DCC: variants seen among roughly 807,000 people sequenced by gnomAD.
The protein encoded by DCC is netrin receptor DCC.
Under a neutral mutation model 172.5 loss-of-function variants are expected in DCC, and 58 were observed. The ratio of observed to expected loss-of-function variants is 0.34; its 90% confidence interval spans 0.27 to 0.42. DCC has a LOEUF of 0.42. Among genes scored for constraint, DCC ranks in the 10% least tolerant of loss-of-function variants. DCC has a pLI of 1.00. For missense variants in DCC, 1,740 were observed against 1,791.0 expected (o/e 0.97, Z 0.51); for synonymous variants, 709 against 644.5 (o/e 1.10, Z -1.52).
chr18:52,602,399 A>ATGTGTG (rs1316880662), intron 1 of DCC, among the ~76,000 whole-genome samples: 5 of 19,274 alleles, frequency 2.6e-4, no homozygotes, highest in Admixed American at 7.5e-4. Flanking sequence ...CTTAGTATCA[A>ATGTGTG]AGTGTGTGTG....
intron 1 of DCC, among the ~76,000 whole-genome samples, chr18:52,567,061 A>G (rs1482163424): frequency 6.6e-6 from 1 of 152,162 alleles, no homozygotes; most frequent in Non-Finnish European, 1.5e-5. Flanking sequence ...ATACTTAAGT[A>G]CCGATTGTTA....
At chr18:53,496,993 T>C (rs1210591505) in intron 26 of DCC, among the ~76,000 whole-genome samples, 1 of 152,222 alleles carries the variant, frequency 6.6e-6, no homozygotes. Flanking sequence ...GCTAAACCAG[T>C]GTTTAAAATG....
At chr18:53,289,207 G>A (rs1386647960) in intron 12 of DCC, among the ~76,000 whole-genome samples, 4 of 151,984 alleles carry the variant, frequency 2.6e-5, no homozygotes, top group Non-Finnish European at 5.9e-5. Context: ...GTTGAAATTC[G>A]CAATATAGGC....
At chr18:52,796,119 C>T (rs1478221225) in intron 2 of DCC, among the ~76,000 whole-genome samples, 2 of 143,812 alleles carry the variant, frequency 1.4e-5, no homozygotes, top group Non-Finnish European at 3.0e-5. Flanking sequence ...TATCCCTTCA[C>T]TTTAAATCTA....
At chr18:53,511,732 C>T (rs1323483950) in intron 27 of DCC, among the ~76,000 whole-genome samples, 25 of 152,186 alleles carry the variant, frequency 1.6e-4, no homozygotes, top group Non-Finnish European at 4.4e-5. Flanking sequence ...CACTCCCACC[C>T]GAATACTGGG....
At chr18:52,586,082 C>CAAAAAAAAAAAAAAAAAA (rs5824949) in intron 1 of DCC, among the ~76,000 whole-genome samples, 1 of 73,226 alleles carries the variant, frequency 1.4e-5, no homozygotes, top group African/African-American at 5.6e-5. Flanking sequence ...GACTCCGTCT[C>CAAAAAAAAAAAAAAAAAA]AAAAAAAAAA....
At chr18:53,094,099 T>G (rs1354076078) in intron 7 of DCC, among the ~76,000 whole-genome samples, 1 of 152,216 alleles carries the variant, frequency 6.6e-6, no homozygotes, top group Non-Finnish European at 1.5e-5. Context: ...ATTTCCTTAT[T>G]AACCCATTTC....
Position 52,723,107 on chromosome 18 carries a change from C to T in DCC, c.92-28947C>T, listed in dbSNP as rs191977905. Among the ~76,000 whole-genome samples, 14 of 152,222 alleles carry T rather than the reference C, an allele frequency of 9.2e-5. No individual in the cohort carries two copies. The East Asian group carries it at 1.5e-3, about 17-fold the overall frequency. ...TAGCTAATCCTATTAGATTAGCTAT[C>T]GCTACCCCTCCCTCCCTTTCTCTCA... On this transcript the variant is annotated intron_variant, in intron 1 of 28. Transcript: ENST00000442544.
intron 17 of DCC, 92 bp from the exon 18 acceptor site, chr18:53,397,216 T>G: frequency 8.2e-7 from 1 of 1,220,426 alleles, no homozygotes; most frequent in Non-Finnish European, 1.2e-6. Context: ...ATTACTTTTG[T>G]GTTAGCTTAT....
chr18:52,929,507 A>G (rs1051788517), intron 5 of DCC, among the ~76,000 whole-genome samples: 11 of 152,152 alleles, frequency 7.2e-5, no homozygotes, highest in Non-Finnish European at 1.5e-4. Context: ...AGAAAGGCTG[A>G]CAGGGGAGCA....
chr18:53,329,135 T>C (rs756510115), intron 14 of DCC, among the ~76,000 whole-genome samples: 3 of 152,156 alleles, frequency 2.0e-5, no homozygotes, highest in South Asian at 4.1e-4. Flanking sequence ...AAAAATATTA[T>C]AGGAATATAA....
chr18:52,797,522 A>G (rs976629730), intron 2 of DCC, among the ~76,000 whole-genome samples: 2 of 152,212 alleles, frequency 1.3e-5, no homozygotes, highest in Middle Eastern at 3.2e-3. Context: ...ATTCAGTGTC[A>G]GCGATATCTG....
intron 12 of DCC, among the ~76,000 whole-genome samples, chr18:53,279,390 C>G (rs1229565375): frequency 2.7e-5 from 4 of 150,410 alleles, no homozygotes; most frequent in Non-Finnish European, 4.4e-5. Flanking sequence ...AGCAAACTAT[C>G]GCAAGGACAA....
chr18:52,453,682 C>T (rs1988375058), intron 1 of DCC, among the ~76,000 whole-genome samples: 1 of 152,162 alleles, frequency 6.6e-6, no homozygotes. Flanking sequence ...TACATGGCAA[C>T]TGAATTTAAA....
rs746568898 is a variant in DCC at position 52,874,647 on chromosome 18, G to A, written c.413-31397G>A. On this transcript the variant is annotated intron_variant, in intron 2 of 28. Transcript: ENST00000442544. ...TGTTCTTTAATTTTTATCAACAATGGTGTGTTTTTGTTTTGGATTTTGAAA... is the reference window on the plus strand; with the variant it reads ...TGTTCTTTAATTTTTATCAACAATGATGTGTTTTTGTTTTGGATTTTGAAA... 8.1e-4 allele frequency among the ~76,000 whole-genome samples: 123 copies of A among 152,138 alleles called. 4 individuals carry two copies. The highest frequency in any genetic ancestry group is 3.8e-4 in the Non-Finnish European group (26 of 68,012).
At chr18:52,586,743 G>T (rs2033683715) in intron 1 of DCC, among the ~76,000 whole-genome samples, 2 of 152,198 alleles carry the variant, frequency 1.3e-5, no homozygotes, top group African/African-American at 4.8e-5. Context: ...ATAGGATGCT[G>T]ATTCAGAGCA....
At chr18:52,966,800 C>G in intron 5 of DCC, among the ~76,000 whole-genome samples, 1 of 152,148 alleles carries the variant, frequency 6.6e-6, no homozygotes. Flanking sequence ...GGGTGTATCC[C>G]TTAATCCAGC....
intron 1 of DCC, among the ~76,000 whole-genome samples, chr18:52,653,400 C>A (rs1367415120): frequency 1.3e-5 from 2 of 152,146 alleles, no homozygotes; most frequent in African/African-American, 2.4e-5. Context: ...AGGCTTCTTT[C>A]CATAGCATAA....
chr18:52,986,697 T>G (rs2041298497), intron 5 of DCC, among the ~76,000 whole-genome samples: 1 of 151,854 alleles, frequency 6.6e-6, no homozygotes, highest in Non-Finnish European at 1.5e-5. Flanking sequence ...AAAAATCCTG[T>G]CTGATATTTT....
Sources: gnomAD v4.1 joint callset for allele counts (sites outside exome capture counted in the v4.1 genomes callset) on GRCh38, gnomAD v4.1.1 for gene constraint, MANE v1.5 for transcripts, NCBI Gene and HGNC (gene_info 2026-07-23, HGNC 2026-07-21) for gene names.